The following ZDHHC13 variants were observed in gnomAD, a reference collection of about 807,000 sequenced individuals.
ZDHHC13 encodes zDHHC palmitoyltransferase 13, also known as palmitoyltransferase ZDHHC13.
In ZDHHC13, 85 loss-of-function variants were observed where a neutral mutation model predicts 86.0. The observed-to-expected ratio is 0.99, with a 90% confidence interval of 0.83 to 1.18. The LOEUF (loss-of-function observed/expected upper bound fraction) is 1.18, where lower values mean the gene tolerates loss of function less well. Among genes scored for constraint, ZDHHC13 ranks in the 50% most tolerant of loss-of-function variants. ZDHHC13 has a pLI of 0.00. For missense variants in ZDHHC13, 711 were observed against 730.2 expected, an observed-to-expected ratio of 0.97 and a Z score of 0.30; for synonymous variants, 263 against 246.4, an observed-to-expected ratio of 1.07 and a Z score of -0.63.
intron 9 of ZDHHC13, among the ~76,000 whole-genome samples, chr11:19,158,289 T>C (rs957371106): frequency 1.3e-5 from 2 of 152,194 alleles, no homozygotes; most frequent in African/African-American, 4.8e-5. Flanking sequence ...GTGGTGAGTA[T>C]TTAGTGTAAA....
chr11:19,157,449 A>C (rs1358799174), intron 9 of ZDHHC13, among the ~76,000 whole-genome samples: 5 of 152,240 alleles, frequency 3.3e-5, no homozygotes, highest in African/African-American at 4.8e-5. Flanking sequence ...TATTAGAGGA[A>C]TCTTACTACT....
chr11:19,160,454 CA>C (rs1849879437), intron 10 of ZDHHC13, among the ~76,000 whole-genome samples: 1 of 151,794 alleles, frequency 6.6e-6, no homozygotes, highest in Non-Finnish European at 1.5e-5. Flanking sequence ...CAGGATACAA[CA>C]AAATCACTTG....
chr11:19,152,084 A>G (rs1027209128), intron 6 of ZDHHC13, 74 bp from the exon 7 acceptor site: 17 of 1,480,530 alleles, frequency 1.1e-5, no homozygotes, highest in Non-Finnish European at 1.4e-5. Context: ...ATCTTAAAAG[A>G]TTCATAATTT....
At chr11:19,151,848 C>T (rs1193380078) in intron 6 of ZDHHC13, among the ~76,000 whole-genome samples, 4 of 151,844 alleles carry the variant, frequency 2.6e-5, no homozygotes, top group Non-Finnish European at 1.5e-5. Flanking sequence ...AAAGTTAAAT[C>T]TATATTCAAA....
intron 14 of ZDHHC13, chr11:19,167,207 C>G (rs879787876): frequency 6.6e-6 from 1 of 152,156 alleles, no homozygotes; most frequent in African/African-American, 2.4e-5. Context: ...ACAGAGGCTT[C>G]ACTTCCATCC....
Position 19,152,680 on chromosome 11 carries a change from G to T in ZDHHC13, c.869G>T (p.Cys290Phe). Residue 290 changes from cysteine to phenylalanine, a missense_variant, in exon 8 of 17, where the codon TGC (cysteine) becomes TTC (phenylalanine). By Grantham distance (205) the Cys-to-Phe change is radical. Coordinates refer to ENST00000446113, the MANE Select transcript of ZDHHC13 (RefSeq NM_019028.3). ...AGACTTTGGAGGTGGCTGCAGAAAT[G>T]CGAGGTATTTTCATATGGGGTCTTT... Reference protein sequence around the residue: ...KFRLWRWLQKCELFLLLMLSV... With the variant: ...KFRLWRWLQKFELFLLLMLSV... The T allele has an allele frequency of 6.2e-7, 1 of 1,613,086 alleles. No homozygotes were observed. Among genetic ancestry groups the T allele is most frequent in the East Asian group, 2.2e-5 (1 of 44,834 alleles).
At chr11:19,164,753 A>G (rs1850011128) in intron 12 of ZDHHC13, 1 of 428,892 alleles carries the variant, frequency 2.3e-6, no homozygotes, top group Non-Finnish European at 4.2e-6. Context: ...GGTGCTAAAA[A>G]TGGAACTTGG....
intron 8 of ZDHHC13, among the ~76,000 whole-genome samples, chr11:19,152,952 A>G (rs1849653709): frequency 6.6e-6 from 1 of 152,190 alleles, no homozygotes; most frequent in Admixed American, 6.5e-5. Flanking sequence ...TAATGAATGT[A>G]TTGAAATGCA....
At position 19,157,456 on chromosome 11, in the gene ZDHHC13, T is replaced by C. The variant is rs986429158; in HGVS notation, c.1008-1484T>C. Among the ~76,000 whole-genome samples, 8 of 152,334 alleles carry C rather than the reference T, an allele frequency of 5.3e-5. No individual in the cohort carries two copies. In the South Asian group the frequency reaches 1.7e-3, roughly 32 times the overall value. The stretch of plus-strand genomic sequence containing the variant: ...AAATGAAGTATTAGAGGAATCTTAC[T>C]ACTGTATCACCCAAGAGCAGGACAA... On this transcript the variant is annotated intron_variant, in intron 9 of 16. Coordinates refer to ENST00000446113, the MANE Select transcript of ZDHHC13 (RefSeq NM_019028.3).
chr11:19,162,008 A>G (rs1175518045), intron 10 of ZDHHC13, among the ~76,000 whole-genome samples: 2 of 152,150 alleles, frequency 1.3e-5, no homozygotes, highest in African/African-American at 4.8e-5. Flanking sequence ...AGAATGACAA[A>G]TGGGAGCATG....
At chr11:19,129,563 TTTA>T (rs1848945055) in intron 1 of ZDHHC13, among the ~76,000 whole-genome samples, 2 of 152,152 alleles carry the variant, frequency 1.3e-5, no homozygotes, top group South Asian at 4.1e-4. Flanking sequence ...GAATATATAT[TTTA>T]TTCTGTTAAT....
At chr11:19,120,139 C>T (rs1848731452) in intron 1 of ZDHHC13, among the ~76,000 whole-genome samples, 1 of 152,156 alleles carries the variant, frequency 6.6e-6, no homozygotes, top group South Asian at 2.1e-4. Context: ...TAAAGATGCC[C>T]TAGTTATTTA....
chr11:19,135,909 A>G (rs1849125622), intron 1 of ZDHHC13, among the ~76,000 whole-genome samples: 1 of 151,964 alleles, frequency 6.6e-6, no homozygotes, highest in African/African-American at 2.4e-5. Flanking sequence ...CATCCACACC[A>G]AAAACCCATC....
At position 19,117,484 on chromosome 11, in the gene ZDHHC13, G is replaced by A. The variant is rs1270796184; in HGVS notation, c.27+208G>A. ...GGGAAGAAAAGGCGAGGACTGAGGG[G>A]TGAGGGCCCGAGCCGGCCCCTCCAG... On this transcript the variant is annotated intron_variant, in intron 1 of 16. Coordinates refer to ENST00000446113, the MANE Select transcript of ZDHHC13 (RefSeq NM_019028.3). The surrounding 1 kb of genome is among the most constrained non-coding windows in gnomAD (Gnocchi z 4.2). 6.6e-6 allele frequency among the ~76,000 whole-genome samples: 1 copy of A among 152,116 alleles called. No individual in the cohort carries two copies. The highest frequency in any genetic ancestry group is 1.5e-5 in the Non-Finnish European group (1 of 68,006).
chr11:19,153,328 A>AGAAGT (rs1431100689), intron 8 of ZDHHC13, among the ~76,000 whole-genome samples: 1 of 152,228 alleles, frequency 6.6e-6, no homozygotes, highest in Non-Finnish European at 1.5e-5. Context: ...TCTAAGTCAT[A>AGAAGT]GAAGTGAATA....
chr11:19,130,716 C>T (rs1848977933), intron 1 of ZDHHC13, among the ~76,000 whole-genome samples: 1 of 152,316 alleles, frequency 6.6e-6, no homozygotes, highest in East Asian at 1.9e-4. Flanking sequence ...ACTGCTTAGG[C>T]TGCATACTAA....
rs1246808801 is a variant in ZDHHC13 at position 19,161,513 on chromosome 11, C to T, written c.1109-1790C>T. Among the ~76,000 whole-genome samples, 3 of 151,760 alleles carry T rather than the reference C, an allele frequency of 2.0e-5. No homozygotes were observed. In the East Asian group the frequency reaches 5.8e-4, roughly 29 times the overall value. On this transcript the variant is annotated intron_variant, in intron 10 of 16. Transcript: ENST00000446113. ...GTTTAAACTAATTTCAAGGGCAATT[C>T]TAGGTTGGCTTCTCAGATGATCAGT...
At chr11:19,125,534 G>A (rs1479726521) in intron 1 of ZDHHC13, among the ~76,000 whole-genome samples, 1 of 152,164 alleles carries the variant, frequency 6.6e-6, no homozygotes, top group Non-Finnish European at 1.5e-5. Flanking sequence ...TAGCCAGTCT[G>A]GAAAATAGTT....
chr11:19,139,616 A>G (rs1207154451), intron 1 of ZDHHC13, among the ~76,000 whole-genome samples: 1 of 151,530 alleles, frequency 6.6e-6, no homozygotes, highest in African/African-American at 2.4e-5. Flanking sequence ...AGTCAATCCT[A>G]AGCCAAAAGA....
Sources: allele counts gnomAD v4.1 joint callset (sites outside exome capture counted in the v4.1 genomes callset), GRCh38; gene constraint gnomAD v4.1.1; non-coding constraint Gnocchi (gnomAD v3.1); transcripts MANE v1.5; gene names NCBI Gene and HGNC (gene_info 2026-07-23, HGNC 2026-07-21).